The following VPS53 variants were observed in gnomAD, a reference collection of about 807,000 sequenced individuals.
VPS53 encodes vacuolar protein sorting-associated protein 53 homolog.
VPS53 carries 70 observed loss-of-function variants against 107.0 expected under a neutral mutation model. That is an observed-to-expected ratio of 0.65 (90% CI 0.54 to 0.80). VPS53 has a LOEUF of 0.80. Among genes scored for constraint, VPS53 ranks in the 30% least tolerant of loss-of-function variants. VPS53 has a pLI of 0.00. For synonymous variants in VPS53, 409 were observed against 393.3 expected (o/e 1.04, Z -0.47); for missense variants, 917 against 1,049.4 (o/e 0.87, Z 1.74).
At chr17:576,915 G>C (rs538797247) in intron 13 of VPS53, among the ~76,000 whole-genome samples, 8 of 141,540 alleles carry the variant, frequency 5.7e-5, no homozygotes, top group African/African-American at 2.1e-4. Flanking sequence ...AACCTAATGC[G>C]TTCCCAGAAA....
chr17:643,251 AC>A (rs1970522676), intron 7 of VPS53, among the ~76,000 whole-genome samples: 1 of 25,784 alleles, frequency 3.9e-5, no homozygotes, highest in Non-Finnish European at 1.5e-4. Context: ...CAACACTCAT[AC>A]TTGGAAAGTG....
At chr17:559,571 T>C (rs1026541291) in intron 15 of VPS53, among the ~76,000 whole-genome samples, 2 of 152,224 alleles carry the variant, frequency 1.3e-5, no homozygotes, top group Non-Finnish European at 2.9e-5. Flanking sequence ...TCTGGCTGGC[T>C]TATGTGCCAC....
intron 11 of VPS53, among the ~76,000 whole-genome samples, chr17:622,036 AC>A (rs1457954006): frequency 1.3e-5 from 2 of 152,022 alleles, no homozygotes; most frequent in South Asian, 2.1e-4. Flanking sequence ...ACATGGTGAA[AC>A]CCCGTCTCTA....
In VPS53 at chr17:562,764, AC is replaced by A. The variant is rs758343659; in HGVS notation, c.1314-20del. On this transcript the variant is annotated intron_variant, in intron 13 of 21. Transcript: ENST00000437048. The stretch of plus-strand genomic sequence containing the variant: ...GAGGTTCCTAGGAGGAAAAAAAAAA[AC>A]CAAAAATGTTATTTTACTTCAAGAA... 14 of 1,584,862 alleles carry A rather than the reference AC, an allele frequency of 8.8e-6. No homozygotes were observed. The highest frequency in any genetic ancestry group is 1.9e-5 in the Admixed American group (1 of 53,252).
rs11397938 is a variant in VPS53 at position 713,876 on chromosome 17, A to ACC, written c.87+745_87+746dup. Among the ~76,000 whole-genome samples, 435 of 101,832 alleles carry ACC rather than the reference A, an allele frequency of 4.3e-3. 6 individuals are homozygous for ACC. Among genetic ancestry groups the ACC allele is most frequent in the African/African-American group, 0.015 (404 of 27,846 alleles). 66.8% of individuals were successfully genotyped at this position (101,832 alleles called of 152,430 possible). ...CCAAAACGGTGAAACCCCCGTCTTT[A>ACC]CCCCAAAAAAAAAAAAAAATTAGCC... On this transcript the variant is annotated intron_variant, in intron 1 of 21. Transcript: ENST00000437048.
At position 627,303 on chromosome 17, in the gene VPS53, T is replaced by C. The variant is rs761421934; in HGVS notation, c.845A>G (p.Asp282Gly). 4 of 1,613,468 alleles carry C rather than the reference T, an allele frequency of 2.5e-6. No homozygotes were observed. The highest frequency in any genetic ancestry group is 2.5e-6 in the Non-Finnish European group (3 of 1,179,798). ...CCAGGCATAGCGTCTGTCGATTTTG[T>C]CCAGCCAGGCAACCTGGTGAAGGTG... is the stretch of plus-strand genomic sequence containing the variant. Reference protein sequence around the residue: ...FQENQDVAWLDKIDRRYAWIK... With the variant: ...FQENQDVAWLGKIDRRYAWIK... Residue 282 changes from aspartate to glycine, a missense_variant, in exon 10 of 22, where the codon GAC becomes GGC. Asp to Gly is a moderately conservative substitution (Grantham distance 94, BLOSUM62 -1). Coordinates refer to ENST00000437048, the MANE Select transcript of VPS53 (RefSeq NM_001128159.3).
chr17:614,753 A>C (rs964099234), intron 11 of VPS53, among the ~76,000 whole-genome samples: 1 of 152,072 alleles, frequency 6.6e-6, no homozygotes, highest in Non-Finnish European at 1.5e-5. Context: ...ACGCTCTTAC[A>C]CTCAAATTCC....
intron 4 of VPS53, among the ~76,000 whole-genome samples, chr17:673,451 C>A (rs994445890): frequency 6.6e-6 from 1 of 152,218 alleles, no homozygotes; most frequent in Non-Finnish European, 1.5e-5. Context: ...GCAGCAGAGG[C>A]TGCGGGACTC....
At chr17:706,070 T>C (rs759231033) in intron 2 of VPS53, 1 of 152,190 alleles carries the variant, frequency 6.6e-6, no homozygotes, top group Non-Finnish European at 1.5e-5. Context: ...CCGAGTGTTA[T>C]CTTTCCGTGC....
intron 13 of VPS53, among the ~76,000 whole-genome samples, chr17:582,329 A>G (rs1399936641): frequency 1.3e-5 from 2 of 148,256 alleles, no homozygotes; most frequent in Non-Finnish European, 3.0e-5. Context: ...ATGCATTCCC[A>G]GAGAACCTCC....
At chr17:667,869 G>C (rs1487360121) in intron 4 of VPS53, among the ~76,000 whole-genome samples, 1 of 152,112 alleles carries the variant, frequency 6.6e-6, no homozygotes, top group African/African-American at 2.4e-5. Flanking sequence ...AGCGGTATTA[G>C]ATTCTCATAG....
In VPS53 at chr17:516,472, T is replaced by C. The variant is rs1908321704; in HGVS notation, c.*2656A>G. 1 of 152,260 alleles carries C rather than the reference T, an allele frequency of 6.6e-6. No individual in the cohort carries two copies. The highest frequency in any genetic ancestry group is 6.5e-5 in the Admixed American group (1 of 15,276). 9.4% of individuals were successfully genotyped at this position (152,260 alleles called of 1,614,324 possible). ...ATCTTTGCCTCCCGGGTTCAAGCGA[T>C]TCTCCTGCCTCAGCCTCCCAAGTAG... is the stretch of plus-strand genomic sequence containing the variant. On this transcript the variant is annotated 3_prime_UTR_variant, in exon 22 of 22. Transcript: ENST00000437048.
chr17:598,400 A>G (rs181634327), intron 12 of VPS53, among the ~76,000 whole-genome samples: 74,072 of 148,364 alleles, frequency 0.5, 18,837 homozygotes, highest in East Asian at 0.77. Context: ...GGGAAGTGAG[A>G]AGCGTCTCTG....
chr17:640,192 G>A (rs1386932324), intron 7 of VPS53, among the ~76,000 whole-genome samples: 4 of 152,186 alleles, frequency 2.6e-5, no homozygotes, highest in African/African-American at 4.8e-5. Flanking sequence ...TGTGGGACCC[G>A]CCGAGCCAGG....
intron 2 of VPS53, among the ~76,000 whole-genome samples, chr17:709,617 T>C (rs987679960): frequency 6.6e-6 from 1 of 152,008 alleles, no homozygotes; most frequent in African/African-American, 2.4e-5. Context: ...GACCTTATCA[T>C]CTCTGCACCC....
rs537980985 is a variant in VPS53 at position 512,864 on chromosome 17, C to T, written c.*6264G>A. The T allele has an allele frequency of 1.3e-5, 2 of 152,218 alleles. No homozygotes were observed. Among genetic ancestry groups the T allele is most frequent in the East Asian group, 3.9e-4 (2 of 5,184 alleles). The allele number at this position is 152,218 out of a possible 1,614,324, so 9.4% of individuals were successfully genotyped here. A position where few individuals can be genotyped will look rare whatever the true frequency, so the allele number is the denominator to read the frequency against. On this transcript the variant is annotated 3_prime_UTR_variant, in exon 22 of 22. Coordinates refer to ENST00000437048, the MANE Select transcript of VPS53 (RefSeq NM_001128159.3). ...AACGTCCATCCAGCTACTAAGGAAA[C>T]AGGATGGACTCATGCGTGCAGGAGA...
chr17:582,783 G>A (rs1486438285), intron 13 of VPS53, among the ~76,000 whole-genome samples: 1 of 150,674 alleles, frequency 6.6e-6, no homozygotes, highest in Non-Finnish European at 1.5e-5. Flanking sequence ...CGTTTCCAGA[G>A]AACCTCCCTC....
chr17:561,641 A>T (rs1310264237), intron 14 of VPS53, among the ~76,000 whole-genome samples: 4 of 152,168 alleles, frequency 2.6e-5, no homozygotes, highest in African/African-American at 4.8e-5. Flanking sequence ...TTATTTATTT[A>T]TTTTTTAGGG....
At chr17:693,331 A>G (rs558297967) in intron 4 of VPS53, among the ~76,000 whole-genome samples, 1 of 152,288 alleles carries the variant, frequency 6.6e-6, no homozygotes, top group East Asian at 1.9e-4. Context: ...TATCACAGGT[A>G]TGTATACATA....
Sources: gnomAD v4.1 joint callset for allele counts (sites outside exome capture counted in the v4.1 genomes callset) on GRCh38, gnomAD v4.1.1 for gene constraint, MANE v1.5 for transcripts, NCBI Gene and HGNC (gene_info 2026-07-23, HGNC 2026-07-21) for gene names.